The following OR9Q1 variants were observed in gnomAD, a reference collection of about 807,000 sequenced individuals.
OR9Q1 encodes olfactory receptor 9Q1.
For synonymous variants in OR9Q1, 153 were observed against 148.6 expected (o/e 1.03, Z -0.22); for missense variants, 374 against 378.8 (o/e 0.99, Z 0.11).
intron 1 of OR9Q1, among the ~76,000 whole-genome samples, chr11:58,053,422 G>C (rs1205808328): frequency 8.0e-6 from 1 of 124,824 alleles, no homozygotes; most frequent in Non-Finnish European, 1.6e-5. Flanking sequence ...CACAGGAAGG[G>C]GCACATCACA....
chr11:58,087,761 T>C (rs368235329), intron 2 of OR9Q1, among the ~76,000 whole-genome samples: 14 of 147,004 alleles, frequency 9.5e-5, no homozygotes, highest in Middle Eastern at 3.5e-3. Context: ...TTCCCCTCCC[T>C]GTGTCCATAT....
At chr11:58,088,061 G>A (rs897387315) in intron 2 of OR9Q1, among the ~76,000 whole-genome samples, 4 of 151,728 alleles carry the variant, frequency 2.6e-5, no homozygotes, top group East Asian at 1.9e-4. Flanking sequence ...GGCTGGTTTC[G>A]AACTCCTGAC....
intron 2 of OR9Q1, among the ~76,000 whole-genome samples, chr11:58,058,779 C>CTGCAGCTGCTTCTG (rs1853351206): frequency 6.6e-6 from 1 of 152,170 alleles, no homozygotes; most frequent in Non-Finnish European, 1.5e-5. Flanking sequence ...AGCTGCTGAT[C>CTGCAGCTGCTTCTG]CAGCCACTCA....
chr11:58,053,630 A>AATTG (rs1491043862), intron 1 of OR9Q1, among the ~76,000 whole-genome samples: 1 of 75,408 alleles, frequency 1.3e-5, no homozygotes, highest in East Asian at 2.4e-4. Context: ...TATATATAAA[A>AATTG]TATATATATA....
intron 1 of OR9Q1, among the ~76,000 whole-genome samples, chr11:58,037,446 A>G (rs1173355468): frequency 6.6e-6 from 1 of 151,866 alleles, no homozygotes; most frequent in Non-Finnish European, 1.5e-5. Context: ...TATGAACACA[A>G]AATGAGTTAG....
chr11:58,139,854 G>T (rs1392298537), intron 2 of OR9Q1, among the ~76,000 whole-genome samples: 3 of 99,982 alleles, frequency 3.0e-5, no homozygotes, highest in South Asian at 8.7e-4. Flanking sequence ...CTGAGGAATC[G>T]CCACACTGAC....
At chr11:58,046,750 C>T (rs1853220562) in intron 1 of OR9Q1, among the ~76,000 whole-genome samples, 1 of 152,054 alleles carries the variant, frequency 6.6e-6, no homozygotes, top group East Asian at 1.9e-4. Context: ...GTAATCCCAG[C>T]TACTCTGGAG....
chr11:58,031,688 G>T lies in OR9Q1; in HGVS notation c.-93+7584G>T, dbSNP rs766392463. ...GCGCTGGAAGGCCTTCTCTACCTGT[G>T]CAGCTCACCTGACTGTGGTGAGCCT... On this transcript the variant is annotated intron_variant, in intron 1 of 2. Transcript: ENST00000335397. 8.1e-6 allele frequency: 13 copies of T among 1,613,832 alleles called. No individual in the cohort carries two copies. The highest frequency in any genetic ancestry group is 1.7e-5 in the Admixed American group (1 of 59,986).
At chr11:58,127,106 C>T (rs1171670557) in intron 2 of OR9Q1, among the ~76,000 whole-genome samples, 1 of 152,112 alleles carries the variant, frequency 6.6e-6, no homozygotes, top group Non-Finnish European at 1.5e-5. Context: ...TGTGCCACCA[C>T]GCCCAGCTTA....
At chr11:58,154,921 T>G (rs1214158870) in intron 2 of OR9Q1, among the ~76,000 whole-genome samples, 5 of 152,118 alleles carry the variant, frequency 3.3e-5, no homozygotes, top group African/African-American at 1.2e-4. Context: ...TCTCATTGCT[T>G]AGATGATAGT....
chr11:58,095,295 C>A (rs965589402), intron 2 of OR9Q1, among the ~76,000 whole-genome samples: 1 of 152,224 alleles, frequency 6.6e-6, no homozygotes, highest in Non-Finnish European at 1.5e-5. Context: ...GGCTGGTACA[C>A]CAGGTGGCTG....
At chr11:58,082,759 A>AATG (rs1853600638) in intron 2 of OR9Q1, among the ~76,000 whole-genome samples, 1 of 130,388 alleles carries the variant, frequency 7.7e-6, no homozygotes, top group Admixed American at 7.5e-5. Context: ...TAATAATAAT[A>AATG]ATAATAATAA....
chr11:58,054,652 G>C (rs1739447944), intron 1 of OR9Q1, among the ~76,000 whole-genome samples: 1 of 152,196 alleles, frequency 6.6e-6, no homozygotes, highest in Admixed American at 6.5e-5. Context: ...CATGCGTTGA[G>C]GCCAGGTGTG....
chr11:58,031,710 G>C, intron 1 of OR9Q1: 1 of 1,614,038 alleles, frequency 6.2e-7, no homozygotes, highest in Non-Finnish European at 8.5e-7. Flanking sequence ...ACTGTGGTGA[G>C]CCTCTTCTAT....
chr11:58,029,654 C>T (rs571554839), intron 1 of OR9Q1, among the ~76,000 whole-genome samples: 1 of 152,208 alleles, frequency 6.6e-6, no homozygotes, highest in Admixed American at 6.5e-5. Flanking sequence ...TAGTGATTCA[C>T]TCATGGTCAC....
chr11:58,125,231 T>TCC (rs1854077681), intron 2 of OR9Q1: 3 of 47,536 alleles, frequency 6.3e-5, no homozygotes, highest in Admixed American at 2.8e-4. Context: ...ATTCCCCCCT[T>TCC]ACCCACCGCC....
intron 2 of OR9Q1, among the ~76,000 whole-genome samples, chr11:58,086,657 A>G (rs1171850860): frequency 6.6e-6 from 1 of 151,932 alleles, no homozygotes; most frequent in African/African-American, 2.4e-5. Context: ...CATATATACA[A>G]TGGAATACTA....
intron 2 of OR9Q1, chr11:58,109,454 C>A (rs951092852): frequency 6.5e-6 from 3 of 462,470 alleles, no homozygotes; most frequent in Non-Finnish European, 1.3e-5. Context: ...CAGCAGGCAT[C>A]CAGGAAAGCA....
intron 2 of OR9Q1, among the ~76,000 whole-genome samples, chr11:58,129,526 C>T (rs1036116283): frequency 6.1e-5 from 9 of 147,174 alleles, no homozygotes; most frequent in Non-Finnish European, 1.2e-4. Context: ...CTGTGATCTA[C>T]CCCCAACCTC....
Sources: gnomAD v4.1 joint callset for allele counts (sites outside exome capture counted in the v4.1 genomes callset) on GRCh38, gnomAD v4.1.1 for gene constraint, MANE v1.5 for transcripts, NCBI Gene and HGNC (gene_info 2026-07-23, HGNC 2026-07-21) for gene names.